The following ACTR1A variants were observed in gnomAD, a reference collection of about 807,000 sequenced individuals.
ACTR1A encodes alpha-centractin.
ACTR1A carries 10 observed loss-of-function variants against 50.7 expected under a neutral mutation model. That is an observed-to-expected ratio of 0.20 (90% CI 0.12 to 0.33). ACTR1A has a LOEUF of 0.33. ACTR1A is among the 10% of genes least tolerant of loss of function. ACTR1A has a pLI of 1.00. For synonymous variants in ACTR1A, 177 were observed against 184.2 expected, an observed-to-expected ratio of 0.96 and a Z score of 0.32; for missense variants, 253 against 491.7, an observed-to-expected ratio of 0.51 and a Z score of 4.59.
chr10:102,494,306 G>A (rs1319224327), intron 1 of ACTR1A, among the ~76,000 whole-genome samples: 1 of 152,126 alleles, frequency 6.6e-6, no homozygotes, highest in Non-Finnish European at 1.5e-5. Flanking sequence ...GACCAGCCTG[G>A]CCAAAATGGA....
chr10:102,480,805 G>A lies in ACTR1A; in HGVS notation c.*58C>T. The stretch of plus-strand genomic sequence containing the variant: ...GTTCCTCGCAAACACTCCGACTCAA[G>A]AAAGCGAGTTTTAAAGTGGAGTTAA... On this transcript the variant is annotated 3_prime_UTR_variant, in exon 11 of 11. Transcript: ENST00000369905. 1 of 1,417,102 alleles carries A rather than the reference G, an allele frequency of 7.1e-7. No homozygotes were observed. Among genetic ancestry groups the A allele is most frequent in the South Asian group, 1.1e-5 (1 of 87,100 alleles). 87.8% of individuals were successfully genotyped at this position (1,417,102 alleles called of 1,614,324 possible). A position where few individuals can be genotyped will look rare whatever the true frequency, so the allele number is the denominator to read the frequency against.
At position 102,490,051 on chromosome 10, in the gene ACTR1A, C is replaced by T. The variant is rs182464730; in HGVS notation, c.113+498G>A. 4.8e-4 allele frequency among the ~76,000 whole-genome samples: 73 copies of T among 151,882 alleles called. No individual in the cohort carries two copies. In the South Asian group the frequency reaches 0.011, roughly 22 times the overall value. On this transcript the variant is annotated intron_variant, in intron 2 of 10. Transcript: ENST00000369905. Reference sequence around the variant, plus strand: ...GAGATCAAGACCATCCTGGCTAATACGGTGAAATCCCATCTCTACTAAAAA... The same window carrying T: ...GAGATCAAGACCATCCTGGCTAATATGGTGAAATCCCATCTCTACTAAAAA...
chr10:102,483,235 C>T (rs1427112993), intron 6 of ACTR1A, 132 bp from the exon 7 acceptor site: 4 of 748,316 alleles, frequency 5.3e-6, no homozygotes, highest in Non-Finnish European at 7.2e-6. Context: ...ACTATAGCTG[C>T]TGCCCAGAAG....
rs543663978 is a variant in ACTR1A at position 102,488,064 on chromosome 10, T to C, written c.315+86A>G. The C allele has an allele frequency of 6.6e-7, 1 of 1,503,888 alleles. No homozygotes were observed. The highest frequency in any genetic ancestry group is 1.2e-5 in the South Asian group (1 of 82,348). The allele number at this position is 1,503,888 out of a possible 1,614,324, so 93.2% of individuals were successfully genotyped here. A position where few individuals can be genotyped will look rare whatever the true frequency, so the allele number is the denominator to read the frequency against. On this transcript the variant is annotated intron_variant, in intron 4 of 10. Coordinates refer to ENST00000369905, the MANE Select transcript of ACTR1A (RefSeq NM_005736.4). This position sits in a 1 kb window ranked among gnomAD's most constrained non-coding sequence, Gnocchi z 4.4. ...ATGGCTCCAGCACTCTTGGCAGTGA[T>C]CATCGTCCTCCTCATCATCTCTAGG...
chr10:102,497,007 C>T (rs2062225434), intron 1 of ACTR1A, among the ~76,000 whole-genome samples: 1 of 151,788 alleles, frequency 6.6e-6, no homozygotes, highest in Admixed American at 6.6e-5. Flanking sequence ...GGCAAAACCC[C>T]GTCTCTACTA....
Position 102,482,168 on chromosome 10 carries a change from G to C in ACTR1A, c.758C>G (p.Pro253Arg), listed in dbSNP as rs1244455229. ...LPDGSTIEIG[P>R]SRFRAPELLF... Reference sequence around the variant, plus strand: ...CAACTCAGGGGCCCGGAATCGGGAAGGACCAATCTGCAGGTAGGAGGGCCA... The same window carrying C: ...CAACTCAGGGGCCCGGAATCGGGAACGACCAATCTGCAGGTAGGAGGGCCA... Residue 253 changes from proline to arginine, a missense_variant, in exon 8 of 11, where the codon CCT (proline) becomes CGT (arginine). Transcript: ENST00000369905. The surrounding 1 kb of genome is among the most constrained non-coding windows in gnomAD (Gnocchi z 5.6). 6.2e-7 allele frequency: 1 copy of C among 1,612,310 alleles called. No homozygotes were observed. Among genetic ancestry groups the C allele is most frequent in the Non-Finnish European group, 8.5e-7 (1 of 1,180,006 alleles).
In ACTR1A at chr10:102,482,640, C is replaced by A. The variant is rs1434317031; in HGVS notation, c.750+371G>T. 2 of 286,340 alleles carry A rather than the reference C, an allele frequency of 7.0e-6. No homozygotes were observed. Among genetic ancestry groups the A allele is most frequent in the Non-Finnish European group, 1.3e-5 (2 of 150,812 alleles). 17.7% of individuals were successfully genotyped at this position (286,340 alleles called of 1,614,324 possible). A position where few individuals can be genotyped will look rare whatever the true frequency, so the allele number is the denominator to read the frequency against. ...CTCCTCTGCAGGAGACAGGGCCACT[C>A]ATGCTCAGGAGCTCTGCTGCTCCAG... On this transcript the variant is annotated intron_variant, in intron 7 of 10. Transcript: ENST00000369905. The surrounding 1 kb of genome is among the most constrained non-coding windows in gnomAD (Gnocchi z 5.6).
Position 102,484,273 on chromosome 10 carries a change from G to T in ACTR1A, c.544C>A (p.Arg182Ser). Residue 182 changes from arginine to serine, a missense_variant, in exon 6 of 11, where the codon CGC (arginine) becomes AGC (serine). By Grantham distance (110) the Arg-to-Ser change is moderately radical (BLOSUM62 -1). Around this residue, in one of 4 missense-constraint regions of ACTR1A, gnomAD observed 116 missense variants for 155.9 expected, o/e 0.74. Transcript: ENST00000369905. ...ACGTCCCGGCCCGCGATGTCGATGC[G>T]CATGATGGAGTGGGGCATGGCAAAG... The part of the protein sequence containing the change: ...EGFAMPHSIM[R>S]IDIAGRDVSR... 1 of 1,614,198 alleles carries T rather than the reference G, an allele frequency of 6.2e-7. No individual in the cohort carries two copies. The highest frequency in any genetic ancestry group is 8.5e-7 in the Non-Finnish European group (1 of 1,180,030).
chr10:102,490,768 G>A (rs918534090), intron 1 of ACTR1A, among the ~76,000 whole-genome samples, 155 bp from the exon 2 acceptor site: 2 of 152,192 alleles, frequency 1.3e-5, no homozygotes, highest in Admixed American at 6.5e-5. Flanking sequence ...AGAGGCAGGC[G>A]GATCACTTGA....
intron 4 of ACTR1A, among the ~76,000 whole-genome samples, chr10:102,487,631 C>CTTTT (rs145832320): frequency 8.5e-6 from 1 of 117,028 alleles, no homozygotes. Context: ...CTTGGCTTTT[C>CTTTT]TTTTTTTTTT....
chr10:102,486,446 T>G (rs1304494411), intron 4 of ACTR1A, among the ~76,000 whole-genome samples: 1 of 152,086 alleles, frequency 6.6e-6, no homozygotes, highest in East Asian at 1.9e-4. Context: ...TCCCAGCACC[T>G]TGGGAGGCTG....
chr10:102,495,694 A>C (rs1266068093), intron 1 of ACTR1A, among the ~76,000 whole-genome samples: 1 of 150,996 alleles, frequency 6.6e-6, no homozygotes, highest in African/African-American at 2.4e-5. Context: ...GCGCCACTGC[A>C]ATTTAGCCTG....
chr10:102,488,390 C>T lies in ACTR1A; in HGVS notation c.190-115G>A. The stretch of plus-strand genomic sequence containing the variant: ...TGCAAAGAAGCCTCAGCTTCCTGAG[C>T]TTCCACCCTGCTGTCCTTGCCCAGG... On this transcript the variant is annotated intron_variant, in intron 3 of 10. Transcript: ENST00000369905. The surrounding 1 kb of genome is among the most constrained non-coding windows in gnomAD (Gnocchi z 4.4). 1 of 1,450,892 alleles carries T rather than the reference C, an allele frequency of 6.9e-7. No individual in the cohort carries two copies. The allele number at this position is 1,450,892 out of a possible 1,614,324, so 89.9% of individuals were successfully genotyped here.
intron 1 of ACTR1A, among the ~76,000 whole-genome samples, chr10:102,493,128 A>G (rs2062203143): frequency 6.6e-6 from 1 of 152,058 alleles, no homozygotes; most frequent in African/African-American, 2.4e-5. Flanking sequence ...AAAACAGAAG[A>G]CAATGTGCAA....
intron 1 of ACTR1A, among the ~76,000 whole-genome samples, chr10:102,491,054 T>G (rs2062189573): frequency 1.3e-5 from 2 of 152,044 alleles, no homozygotes; most frequent in Admixed American, 1.3e-4. Context: ...TAGAAAAAGG[T>G]AAATGCACAC....
At chr10:102,495,058 G>A (rs1374845490) in intron 1 of ACTR1A, among the ~76,000 whole-genome samples, 1 of 151,754 alleles carries the variant, frequency 6.6e-6, no homozygotes, top group African/African-American at 2.4e-5. Flanking sequence ...TGATCCACCC[G>A]CCTTGGCCTC....
intron 1 of ACTR1A, among the ~76,000 whole-genome samples, chr10:102,499,636 A>T (rs1373532132): frequency 6.6e-6 from 1 of 152,228 alleles, no homozygotes; most frequent in Non-Finnish European, 1.5e-5. Context: ...CAATTCAAGA[A>T]GCAAAGGAGC....
At chr10:102,493,833 A>T (rs1324843165) in intron 1 of ACTR1A, among the ~76,000 whole-genome samples, 1 of 152,242 alleles carries the variant, frequency 6.6e-6, no homozygotes, top group Admixed American at 6.5e-5. Context: ...GGCAGATAGA[A>T]CCTAAAGTAT....
At chr10:102,494,080 G>C (rs2062207952) in intron 1 of ACTR1A, among the ~76,000 whole-genome samples, 1 of 152,222 alleles carries the variant, frequency 6.6e-6, no homozygotes, top group South Asian at 2.1e-4. Flanking sequence ...ATACAAAAGG[G>C]TTATGTCCAT....
Sources: allele counts gnomAD v4.1 joint callset (sites outside exome capture counted in the v4.1 genomes callset), GRCh38; gene constraint gnomAD v4.1.1; regional missense constraint gnomAD v4.1.1; non-coding constraint Gnocchi (gnomAD v3.1); transcripts MANE v1.5; gene names NCBI Gene and HGNC (gene_info 2026-07-23, HGNC 2026-07-21).